GPC5: variants seen among roughly 807,000 people sequenced by gnomAD.
GPC5 encodes the protein glypican-5.
Under a neutral mutation model 53.9 loss-of-function variants are expected in GPC5, and 47 were observed. That is an observed-to-expected ratio of 0.87 (90% confidence interval 0.69 to 1.11). GPC5 has a LOEUF of 1.11. GPC5 is among the 50% of genes most tolerant of loss of function. The pLI is 0.00. For missense variants in GPC5, 748 were observed against 713.1 expected, an observed-to-expected ratio of 1.05 and a Z score of -0.56; for synonymous variants, 286 against 263.3, an observed-to-expected ratio of 1.09 and a Z score of -0.84.
At chr13:91,882,992 C>T (rs557388377) in intron 5 of GPC5, among the ~76,000 whole-genome samples, 1 of 152,102 alleles carries the variant, frequency 6.6e-6, no homozygotes, top group African/African-American at 2.4e-5. Context: ...AAACAGCAAC[C>T]ACTTCATTAT....
At chr13:92,231,101 T>C (rs1464036466) in intron 7 of GPC5, among the ~76,000 whole-genome samples, 1 of 152,124 alleles carries the variant, frequency 6.6e-6, no homozygotes, top group African/African-American at 2.4e-5. Context: ...TATGGGTAAA[T>C]ATGTGTGTAT....
At chr13:91,410,453 C>T (rs967655924) in intron 1 of GPC5, among the ~76,000 whole-genome samples, 1 of 150,124 alleles carries the variant, frequency 6.7e-6, no homozygotes, top group Non-Finnish European at 1.5e-5. Context: ...TCGTGCCATT[C>T]TCCTGCCTCA....
chr13:92,467,247 C>T (rs750782247), intron 7 of GPC5, among the ~76,000 whole-genome samples: 6 of 151,960 alleles, frequency 3.9e-5, no homozygotes, highest in Non-Finnish European at 8.8e-5. Context: ...GTGTTGGTGT[C>T]GTTTGAAGAC....
At chr13:92,629,420 A>AT (rs1203976717) in intron 7 of GPC5, among the ~76,000 whole-genome samples, 1 of 151,900 alleles carries the variant, frequency 6.6e-6, no homozygotes, top group East Asian at 1.9e-4. Context: ...TTGTGGGGGG[A>AT]TTATTTCATT....
intron 2 of GPC5, among the ~76,000 whole-genome samples, chr13:91,675,895 A>G (rs1207792821): frequency 6.6e-6 from 1 of 152,144 alleles, no homozygotes; most frequent in Non-Finnish European, 1.5e-5. Flanking sequence ...CCAAGAAAGA[A>G]CATCGAATAT....
chr13:92,650,545 T>C (rs1885923475), intron 7 of GPC5, among the ~76,000 whole-genome samples: 1 of 152,194 alleles, frequency 6.6e-6, no homozygotes, highest in Non-Finnish European at 1.5e-5. Context: ...TATTAGGTTC[T>C]ATGATGGAAA....
chr13:91,625,044 G>A (rs2033961614), intron 2 of GPC5, among the ~76,000 whole-genome samples: 1 of 151,652 alleles, frequency 6.6e-6, no homozygotes, highest in East Asian at 1.9e-4. Flanking sequence ...AAATAGAAAG[G>A]ATTAAAAAAG....
At chr13:92,691,554 C>A (rs12429760) in intron 7 of GPC5, among the ~76,000 whole-genome samples, 7,800 of 151,978 alleles carry the variant, frequency 0.051, 547 homozygotes, top group East Asian at 0.31. Flanking sequence ...GAGCTGTAGA[C>A]CGGAGCTGTT....
At chr13:91,935,032 C>T (rs1463155429) in intron 6 of GPC5, among the ~76,000 whole-genome samples, 1 of 151,900 alleles carries the variant, frequency 6.6e-6, no homozygotes, top group African/African-American at 2.4e-5. Flanking sequence ...AAAATAATTG[C>T]TCTGACTGCA....
In GPC5 at chr13:92,186,984, C is replaced by T. The variant is rs2042188547; in HGVS notation, c.1561+41995C>T. 2.0e-5 allele frequency among the ~76,000 whole-genome samples: 3 copies of T among 152,036 alleles called. No homozygotes were observed. The South Asian group carries it at 6.2e-4, about 32-fold the overall frequency. On this transcript the variant is annotated intron_variant, in intron 7 of 7. Transcript: ENST00000377067. ...AAAATTAGCCGGGCGTGTTAGTGCA[C>T]ACCTGTAATTCCAGCTGCTCAGGAG...
At chr13:92,673,854 C>G (rs1886837987) in intron 7 of GPC5, among the ~76,000 whole-genome samples, 3 of 152,056 alleles carry the variant, frequency 2.0e-5, no homozygotes, top group Non-Finnish European at 2.9e-5. Flanking sequence ...TTAAAAAACA[C>G]TTTTCAAATC....
chr13:92,640,672 T>A (rs1162645833), intron 7 of GPC5, among the ~76,000 whole-genome samples: 2 of 152,120 alleles, frequency 1.3e-5, no homozygotes, highest in Non-Finnish European at 2.9e-5. Flanking sequence ...AACACCTTTT[T>A]GTGCCAGAAA....
At chr13:92,191,674 T>C (rs1475327375) in intron 7 of GPC5, among the ~76,000 whole-genome samples, 1 of 152,130 alleles carries the variant, frequency 6.6e-6, no homozygotes, top group Non-Finnish European at 1.5e-5. Flanking sequence ...TGGAATATAA[T>C]TCAGTACTTG....
intron 5 of GPC5, among the ~76,000 whole-genome samples, chr13:91,840,864 A>T (rs535787020): frequency 2.6e-5 from 4 of 151,956 alleles, no homozygotes; most frequent in Non-Finnish European, 4.4e-5. Flanking sequence ...TTGATTAGAA[A>T]AATGCTACTG....
intron 7 of GPC5, among the ~76,000 whole-genome samples, chr13:92,435,728 C>T (rs1877279926): frequency 6.6e-6 from 1 of 152,132 alleles, no homozygotes; most frequent in Non-Finnish European, 1.5e-5. Flanking sequence ...TTCTGGTCAA[C>T]CAACCATATT....
At chr13:91,968,317 AAAT>A (rs1356695965) in intron 6 of GPC5, among the ~76,000 whole-genome samples, 1 of 152,154 alleles carries the variant, frequency 6.6e-6, no homozygotes, top group Non-Finnish European at 1.5e-5. Context: ...AGTATCAGAT[AAAT>A]ATCTAAGAGT....
chr13:92,580,497 A>G (rs1322067224), intron 7 of GPC5, among the ~76,000 whole-genome samples: 4 of 152,206 alleles, frequency 2.6e-5, no homozygotes, highest in Admixed American at 1.3e-4. Context: ...CCTTTCTTGC[A>G]CTGCTATAAA....
intron 7 of GPC5, among the ~76,000 whole-genome samples, chr13:92,633,275 G>C (rs1213845641): frequency 6.6e-6 from 1 of 152,044 alleles, no homozygotes; most frequent in Admixed American, 6.5e-5. Flanking sequence ...TACAATTCAA[G>C]ATGGGTTTTG....
At chr13:91,690,248 A>T (rs980854358) in intron 2 of GPC5, among the ~76,000 whole-genome samples, 3 of 152,202 alleles carry the variant, frequency 2.0e-5, no homozygotes, top group Non-Finnish European at 4.4e-5. Flanking sequence ...CTAAAATTTT[A>T]ATGCATGTGT....
Sources: gnomAD v4.1 joint callset for allele counts (sites outside exome capture counted in the v4.1 genomes callset) on GRCh38, gnomAD v4.1.1 for gene constraint, MANE v1.5 for transcripts, NCBI Gene and HGNC (gene_info 2026-07-23, HGNC 2026-07-21) for gene names.